Variants in TNFSF11 observed in about 807,000 individuals in gnomAD.
TNFSF11 encodes tumor necrosis factor ligand superfamily member 11.
TNFSF11 carries 12 observed loss-of-function variants against 32.2 expected under a neutral mutation model. That is an observed-to-expected ratio of 0.37 (90% CI 0.24 to 0.60). The LOEUF (loss-of-function observed/expected upper bound fraction) is 0.60. TNFSF11 is among the 20% of genes least tolerant of loss of function. The pLI, the probability that TNFSF11 is intolerant of heterozygous loss-of-function variation, is 0.66. For missense variants in TNFSF11, 345 were observed against 398.0 expected, an observed-to-expected ratio of 0.87 and a Z score of 1.13; for synonymous variants, 172 against 152.1, an observed-to-expected ratio of 1.13 and a Z score of -0.96.
At chr13:42,585,661 G>C (rs887999811) in intron 2 of TNFSF11, among the ~76,000 whole-genome samples, 1 of 152,300 alleles carries the variant, frequency 6.6e-6, no homozygotes, top group East Asian at 1.9e-4. Flanking sequence ...TGCCAGCCGG[G>C]GGGTGAGGAA....
intron 2 of TNFSF11, among the ~76,000 whole-genome samples, chr13:42,583,439 G>GAAAAAAAAAA (rs1332389888): frequency 8.5e-3 from 665 of 77,890 alleles, no homozygotes; most frequent in South Asian, 0.014. Flanking sequence ...AAAAAAAAAA[G>GAAAAAAAAAA]AAAGGAAGAA....
chr13:42,592,145 CA>C (rs1594472312), intron 2 of TNFSF11, among the ~76,000 whole-genome samples: 1 of 152,216 alleles, frequency 6.6e-6, no homozygotes, highest in East Asian at 1.9e-4. Context: ...TCCAACTCTT[CA>C]GGCACTAATT....
intron 2 of TNFSF11, among the ~76,000 whole-genome samples, chr13:42,593,725 A>G (rs1197761412): frequency 6.6e-6 from 1 of 152,252 alleles, no homozygotes. Context: ...AAATGAATGC[A>G]TTACATATGT....
chr13:42,589,415 G>A (rs987399040), intron 2 of TNFSF11, among the ~76,000 whole-genome samples: 2 of 152,076 alleles, frequency 1.3e-5, no homozygotes, highest in African/African-American at 4.8e-5. Flanking sequence ...ACTGCCACTG[G>A]CCCATCCTTC....
chr13:42,599,956 G>A (rs1029981484), intron 2 of TNFSF11, among the ~76,000 whole-genome samples: 1 of 152,058 alleles, frequency 6.6e-6, no homozygotes, highest in Non-Finnish European at 1.5e-5. Flanking sequence ...AATATCCTCC[G>A]TTTATGCAGG....
Position 42,606,658 on chromosome 13 carries a change from G to A in TNFSF11, c.694G>A (p.Ala232Thr). The change falls in exon 5 of 5, where the codon GCT becomes ACT. Residue 232 changes from alanine to threonine, a missense_variant. Ala to Thr is a moderately conservative substitution (Grantham distance 58, BLOSUM62 0). Around this residue, in one of 2 missense-constraint regions of TNFSF11, gnomAD observed 148 missense variants for 216.0 expected, o/e 0.69. Coordinates refer to ENST00000398795, the MANE Select transcript of TNFSF11 (RefSeq NM_003701.4). ...FRHHETSGDL[A>T]TEYLQLMVYV... ...ACATCATGAAACTTCAGGAGACCTA[G>A]CTACAGAGTATCTTCAACTAATGGT... 6.2e-7 allele frequency: 1 copy of A among 1,614,206 alleles called. No individual in the cohort carries two copies. Among genetic ancestry groups the A allele is most frequent in the Non-Finnish European group, 8.5e-7 (1 of 1,180,034 alleles).
chr13:42,596,312 C>T (rs1321347913), intron 2 of TNFSF11, among the ~76,000 whole-genome samples: 3 of 152,120 alleles, frequency 2.0e-5, no homozygotes, highest in Admixed American at 2.0e-4. Flanking sequence ...CCTGGGAATT[C>T]TGAGATCATA....
chr13:42,605,992 CT>C (rs2137914581), intron 4 of TNFSF11, among the ~76,000 whole-genome samples: 1 of 152,328 alleles, frequency 6.6e-6, no homozygotes, highest in East Asian at 1.9e-4. Context: ...TAGTTTCTTG[CT>C]TTCCTGTCTC....
In TNFSF11 at chr13:42,598,427, A is replaced by G. The variant is rs1454602594; in HGVS notation, c.388-2325A>G. ...TACACAATGTTTAGAGATATGCTGCATATCCAGCTTTGCTGGCACCAAAGT... is the reference window on the plus strand; with the variant it reads ...TACACAATGTTTAGAGATATGCTGCGTATCCAGCTTTGCTGGCACCAAAGT... On this transcript the variant is annotated intron_variant, in intron 2 of 4. Coordinates refer to ENST00000398795, the MANE Select transcript of TNFSF11 (RefSeq NM_003701.4). Among the ~76,000 whole-genome samples the G allele has an allele frequency of 3.3e-5, 5 of 152,256 alleles. No homozygotes were observed. The South Asian group carries it at 1.0e-3, about 31-fold the overall frequency.
At chr13:42,584,314 T>C (rs1171523754) in intron 2 of TNFSF11, among the ~76,000 whole-genome samples, 1 of 152,252 alleles carries the variant, frequency 6.6e-6, no homozygotes, top group Non-Finnish European at 1.5e-5. Context: ...ATATTCTGAA[T>C]TCTTAAAAAG....
intron 1 of TNFSF11, among the ~76,000 whole-genome samples, chr13:42,577,470 C>T (rs778834520): frequency 6.6e-6 from 1 of 152,080 alleles, no homozygotes; most frequent in Non-Finnish European, 1.5e-5. Flanking sequence ...TATATATTTA[C>T]CACATAGTAT....
intron 1 of TNFSF11, among the ~76,000 whole-genome samples, chr13:42,575,652 G>A (rs974349439): frequency 6.6e-6 from 1 of 152,120 alleles, no homozygotes; most frequent in African/African-American, 2.4e-5. Flanking sequence ...TTTTTGTTAA[G>A]TATTCATTAT....
chr13:42,583,417 T>TAAAAAAAAAAAAAAAAAAAAAA (rs71747752), intron 2 of TNFSF11, among the ~76,000 whole-genome samples: 1 of 24,634 alleles, frequency 4.1e-5, no homozygotes, highest in African/African-American at 1.9e-4. Flanking sequence ...AAGACCCTGC[T>TAAAAAAAAAAAAAAAAAAAAAA]AAAAAAAAAA....
chr13:42,569,973 T>C (rs1873004917), upstream of TNFSF11, among the ~76,000 whole-genome samples: 1 of 152,072 alleles, frequency 6.6e-6, no homozygotes, highest in East Asian at 1.9e-4. Flanking sequence ...GTATTATGAA[T>C]TATTTATAAA....
At chr13:42,594,127 TG>T (rs1459072168) in intron 2 of TNFSF11, among the ~76,000 whole-genome samples, 6 of 152,178 alleles carry the variant, frequency 3.9e-5, no homozygotes, top group Non-Finnish European at 8.8e-5. Context: ...TTGCCCAGGC[TG>T]GAGTGCAGTG....
chr13:42,564,674 G>A (rs2137840225), intron 1 of TNFSF11, among the ~76,000 whole-genome samples: 1 of 152,094 alleles, frequency 6.6e-6, no homozygotes, highest in South Asian at 2.1e-4. Flanking sequence ...ATGCATTTCA[G>A]CTTCTTGTCA....
rs71202227 is a variant in TNFSF11 at position 42,583,444 on chromosome 13, G to GAAAAAAAAAAAAAAAAAAAAA, written c.387+2153_387+2154insAAAAAAAAAAAAAAAAAAAAA. On this transcript the variant is annotated intron_variant, in intron 2 of 4. Coordinates refer to ENST00000398795, the MANE Select transcript of TNFSF11 (RefSeq NM_003701.4). Reference sequence around the variant, plus strand: ...AAAAAAAAAAAAAAAAAAAAGAAAGGAAGAAAGGAAGGAAGGAAAAAGATT... The same window carrying GAAAAAAAAAAAAAAAAAAAAA: ...AAAAAAAAAAAAAAAAAAAAGAAAGGAAAAAAAAAAAAAAAAAAAAAAAGAAAGGAAGGAAGGAAAAAGATT... Among the ~76,000 whole-genome samples, 107 of 95,594 alleles carry GAAAAAAAAAAAAAAAAAAAAA rather than the reference G, an allele frequency of 1.1e-3. 10 individuals carry two copies. Among genetic ancestry groups the GAAAAAAAAAAAAAAAAAAAAA allele is most frequent in the African/African-American group, 4.7e-3 (101 of 21,510 alleles). The allele number at this position is 95,594 out of a possible 152,430, so 62.7% of individuals were successfully genotyped here.
chr13:42,576,154 C>T (rs376670859), intron 1 of TNFSF11, among the ~76,000 whole-genome samples: 1 of 152,220 alleles, frequency 6.6e-6, no homozygotes, highest in East Asian at 1.9e-4. Flanking sequence ...TTTCTAACAC[C>T]TTCGGGATAT....
At chr13:42,584,736 C>T (rs1022927) in intron 2 of TNFSF11, among the ~76,000 whole-genome samples, 122,918 of 152,186 alleles carry the variant, frequency 0.81, 49,812 homozygotes, top group South Asian at 0.88. Flanking sequence ...ATTAAGGGCA[C>T]GTAGTCTTAA....
Sources: gnomAD v4.1 joint callset for allele counts (sites outside exome capture counted in the v4.1 genomes callset) on GRCh38, gnomAD v4.1.1 for gene constraint, gnomAD v4.1.1 regional missense constraint, MANE v1.5 for transcripts, NCBI Gene and HGNC (gene_info 2026-07-23, HGNC 2026-07-21) for gene names.